Variants in SGCZ observed in about 807,000 individuals in gnomAD.
SGCZ encodes zeta-sarcoglycan.
A neutral mutation model predicts 41.3 loss-of-function variants in SGCZ; 40 were observed. The observed-to-expected ratio is 0.97, with a 90% CI of 0.75 to 1.26. The LOEUF (loss-of-function observed/expected upper bound fraction) is 1.26. Ranked by LOEUF, SGCZ falls within the 50% of genes most tolerant of loss-of-function variation. The pLI is 0.00. For synonymous variants in SGCZ, 206 were observed against 137.5 expected (o/e 1.50, Z -3.49); for missense variants, 552 against 369.8 (o/e 1.49, Z -4.04).
intron 1 of SGCZ, among the ~76,000 whole-genome samples, chr8:14,688,934 T>C (rs1174991941): frequency 6.6e-6 from 1 of 151,924 alleles, no homozygotes; most frequent in East Asian, 1.9e-4. Flanking sequence ...ACAAAATCAA[T>C]ATACAAAAAT....
At chr8:14,229,023 G>C (rs759026353) in intron 4 of SGCZ, among the ~76,000 whole-genome samples, 1 of 152,080 alleles carries the variant, frequency 6.6e-6, no homozygotes, top group Non-Finnish European at 1.5e-5. Flanking sequence ...TTAAACAAGG[G>C]CATAGGGTAC....
chr8:15,130,034 T>C (rs1242165074), intron 1 of SGCZ, among the ~76,000 whole-genome samples: 2 of 152,172 alleles, frequency 1.3e-5, no homozygotes, highest in African/African-American at 4.8e-5. Flanking sequence ...ATATGAGTTG[T>C]TCTTTTCTCT....
intron 7 of SGCZ, among the ~76,000 whole-genome samples, chr8:14,101,299 A>T (rs965484021): frequency 8.9e-6 from 1 of 112,688 alleles, no homozygotes; most frequent in Non-Finnish European, 2.3e-5. Context: ...AGGGTAAGAG[A>T]TGTGGAAGGT....
intron 1 of SGCZ, among the ~76,000 whole-genome samples, chr8:14,738,198 TA>T (rs781499543): frequency 6.6e-6 from 1 of 152,092 alleles, no homozygotes; most frequent in Non-Finnish European, 1.5e-5. Flanking sequence ...TTTTCAACAT[TA>T]TTTCCCATCA....
chr8:14,924,763 TAA>T (rs1191804117), intron 1 of SGCZ, among the ~76,000 whole-genome samples: 1 of 152,098 alleles, frequency 6.6e-6, no homozygotes, highest in Non-Finnish European at 1.5e-5. Context: ...CACAAAATGT[TAA>T]AAGTTTGATT....
At chr8:14,116,868 A>C (rs1802539699) in intron 5 of SGCZ, among the ~76,000 whole-genome samples, 2 of 152,110 alleles carry the variant, frequency 1.3e-5, no homozygotes. Context: ...TTCTACAGCA[A>C]GAACACTCAT....
intron 1 of SGCZ, among the ~76,000 whole-genome samples, chr8:15,102,329 A>C (rs1006568797): frequency 2.0e-5 from 3 of 152,194 alleles, no homozygotes; most frequent in Admixed American, 6.6e-5. Context: ...AACTATGTGG[A>C]GAATAAAAAG....
In SGCZ at chr8:15,233,607, C is replaced by A. The variant is rs76539349; in HGVS notation, c.39+3978G>T. The stretch of plus-strand genomic sequence containing the variant: ...GTTCTTGGTAGATGAAATGTTGATT[C>A]AATTAAGCAGAGAAAAATGAAGCAA... On this transcript the variant is annotated intron_variant, in intron 1 of 7. Coordinates refer to ENST00000382080, the MANE Select transcript of SGCZ (RefSeq NM_139167.4). 3.5e-3 allele frequency among the ~76,000 whole-genome samples: 539 copies of A among 151,990 alleles called. 1 individual carries two copies. Among genetic ancestry groups the A allele is most frequent in the Non-Finnish European group, 6.1e-3 (416 of 67,906 alleles).
In SGCZ at chr8:14,654,923, C is replaced by T. The variant is rs183243099; in HGVS notation, c.40-99997G>A. Among the ~76,000 whole-genome samples the T allele has an allele frequency of 8.6e-3, 1,308 of 152,118 alleles. 7 individuals are homozygous for T. The highest frequency in any genetic ancestry group is 0.015 in the South Asian group (73 of 4,818). On this transcript the variant is annotated intron_variant, in intron 1 of 7. Coordinates refer to ENST00000382080, the MANE Select transcript of SGCZ (RefSeq NM_139167.4). ...CTTGTGATCTATTTTTCTCAGCCTCCCAAAGTGCTGGGACTACAGGCAGGA... is the reference window on the plus strand; with the variant it reads ...CTTGTGATCTATTTTTCTCAGCCTCTCAAAGTGCTGGGACTACAGGCAGGA...
At chr8:14,230,890 G>T (rs937442503) in intron 4 of SGCZ, among the ~76,000 whole-genome samples, 8 of 151,574 alleles carry the variant, frequency 5.3e-5, no homozygotes, top group African/African-American at 1.9e-4. Flanking sequence ...AGTATCTACT[G>T]GTTAAAAAGT....
chr8:14,226,946 C>G (rs1016865089), intron 4 of SGCZ, among the ~76,000 whole-genome samples: 2 of 152,084 alleles, frequency 1.3e-5, no homozygotes, highest in Admixed American at 6.6e-5. Context: ...CAGGTATGGT[C>G]AATTTCTTAA....
At chr8:15,134,710 T>C (rs767882217) in intron 1 of SGCZ, among the ~76,000 whole-genome samples, 42 of 152,226 alleles carry the variant, frequency 2.8e-4, no homozygotes, top group Non-Finnish European at 2.4e-4. Flanking sequence ...TTATTTCCTA[T>C]GACACACTTG....
intron 1 of SGCZ, among the ~76,000 whole-genome samples, chr8:14,800,837 T>G (rs1801298731): frequency 6.6e-6 from 1 of 152,022 alleles, no homozygotes; most frequent in Non-Finnish European, 1.5e-5. Flanking sequence ...TACTCAACAT[T>G]AAAAAATTCA....
At chr8:14,281,355 A>C (rs1233518104) in intron 3 of SGCZ, among the ~76,000 whole-genome samples, 2 of 151,968 alleles carry the variant, frequency 1.3e-5, no homozygotes, top group African/African-American at 4.8e-5. Flanking sequence ...TCTAATGTGA[A>C]AACTGTCACT....
At chr8:14,780,735 T>C (rs1755200589) in intron 1 of SGCZ, among the ~76,000 whole-genome samples, 1 of 152,322 alleles carries the variant, frequency 6.6e-6, no homozygotes. Flanking sequence ...TTTTTTAACA[T>C]GGGTAACCTT....
At chr8:14,420,281 CT>C (rs1386958877) in intron 2 of SGCZ, among the ~76,000 whole-genome samples, 8 of 151,886 alleles carry the variant, frequency 5.3e-5, no homozygotes, top group Non-Finnish European at 1.2e-4. Context: ...AAAAATAAAT[CT>C]TTGCAGCCAC....
chr8:14,504,119 G>A (rs950190788), intron 2 of SGCZ, among the ~76,000 whole-genome samples: 4 of 151,760 alleles, frequency 2.6e-5, no homozygotes, highest in Admixed American at 2.0e-4. Context: ...TTTATTTCAT[G>A]ACTGATGACA....
At chr8:14,804,454 C>T (rs904338816) in intron 1 of SGCZ, among the ~76,000 whole-genome samples, 7 of 134,588 alleles carry the variant, frequency 5.2e-5, no homozygotes, top group Admixed American at 8.0e-5. Flanking sequence ...GGAGCCGATG[C>T]GATCAACTGG....
chr8:15,210,671 T>G (rs1049932419), intron 1 of SGCZ, among the ~76,000 whole-genome samples: 1 of 151,974 alleles, frequency 6.6e-6, no homozygotes. Flanking sequence ...AATCCAATAC[T>G]CCCTCATGAT....
Sources: allele counts gnomAD v4.1 joint callset (sites outside exome capture counted in the v4.1 genomes callset), GRCh38; gene constraint gnomAD v4.1.1; transcripts MANE v1.5; gene names NCBI Gene and HGNC (gene_info 2026-07-23, HGNC 2026-07-21).